The following OR9K2 variants were observed in gnomAD, a reference collection of about 807,000 sequenced individuals.
The protein encoded by OR9K2 is olfactory receptor family 9 subfamily K member 2.
In OR9K2, 16 loss-of-function variants were observed where a neutral mutation model predicts 12.4. The ratio of observed to expected loss-of-function variants is 1.29; its 90% CI spans 0.87 to 1.95. The LOEUF is 1.95. OR9K2 is among the 30% of genes most tolerant of loss of function. The probability of loss-of-function intolerance (pLI) is 0.00; values close to 1 mark genes in which losing one functional copy is unlikely to be tolerated. For synonymous variants in OR9K2, 133 were observed against 133.2 expected, an observed-to-expected ratio of 1.00 and a Z score of 0.01; for missense variants, 434 against 376.5, an observed-to-expected ratio of 1.15 and a Z score of -1.26.
rs1953475855 is a variant in OR9K2, at chr12:55,131,888, A to G, written c.*1112A>G. On this transcript the variant is annotated 3_prime_UTR_variant, in exon 3 of 3. Coordinates refer to ENST00000641329, the MANE Select transcript of OR9K2 (RefSeq NM_001005243.2). ...ATAATATTGATGTGGGCTCAATGGT[A>G]TGTCGATATTAATGAACAAAGGCAG... 6.6e-6 allele frequency: 1 copy of G among 152,216 alleles called. No individual in the cohort carries two copies. The highest frequency in any genetic ancestry group is 2.1e-4 in the South Asian group (1 of 4,834). 9.4% of individuals were successfully genotyped at this position (152,216 alleles called of 1,614,324 possible).
At chr12:55,127,568 T>G (rs1223672853) in intron 2 of OR9K2, among the ~76,000 whole-genome samples, 1 of 151,488 alleles carries the variant, frequency 6.6e-6, no homozygotes, top group Admixed American at 6.6e-5. Context: ...AATACAGTCT[T>G]AAATAATGAT....
chr12:55,130,220 T>A lies in OR9K2; in HGVS notation c.386T>A (p.Ile129Asn), dbSNP rs780825657. The change falls in exon 3 of 3, where the codon ATC becomes AAC. Residue 129 changes from isoleucine to asparagine, a missense_variant. Ile to Asn is a moderately radical substitution (Grantham distance 149, BLOSUM62 -3). Transcript: ENST00000641329. ...ATGGCTTATGACCGCTTTATTGCCA[T>A]CTGCAACCCTCTGCTCTACTCTGTT... The part of the protein sequence containing the change: ...AAMAYDRFIA[I>N]CNPLLYSVQM... 2.2e-5 allele frequency: 36 copies of A among 1,614,012 alleles called. No individual in the cohort carries two copies. The highest frequency in any genetic ancestry group is 3.1e-5 in the Non-Finnish European group (36 of 1,180,014).
Position 55,132,024 on chromosome 12 carries a change from C to G in OR9K2, c.*1248C>G, listed in dbSNP as rs1216029878. 1 of 152,104 alleles carries G rather than the reference C, an allele frequency of 6.6e-6. No homozygotes were observed. 9.4% of individuals were successfully genotyped at this position (152,104 alleles called of 1,614,324 possible). A position where few individuals can be genotyped will look rare whatever the true frequency, so the allele number is the denominator to read the frequency against. ...TTTTGAAATTGAGTGTGTGCATGGT[C>G]ATGGTCTGAATAGATAAAAAGTATA... On this transcript the variant is annotated 3_prime_UTR_variant, in exon 3 of 3. Transcript: ENST00000641329.
At position 55,129,900 on chromosome 12, in the gene OR9K2, A is replaced by AC. The variant is rs1484546242; in HGVS notation, c.67dup (p.Arg23ProfsTer33). 1.2e-6 allele frequency: 2 copies of AC among 1,613,880 alleles called. No homozygotes were observed. The highest frequency in any genetic ancestry group is 1.3e-5 in the African/African-American group (1 of 74,902). On this transcript the variant is annotated frameshift_variant, in exon 3 of 3. Coordinates refer to ENST00000641329, the MANE Select transcript of OR9K2 (RefSeq NM_001005243.2). LOFTEE classifies it high-confidence loss of function. ...ACTTCATTCTTGCAGGCTTCAGGGT[A>AC]CGCCCAGAGCTCCACATTCTCCTCT...
In OR9K2 at chr12:55,130,461, T is replaced by G. The variant is rs753458145; in HGVS notation, c.627T>G (p.Ile209Met). ...TATCTTTTTCCTTATCATGTATTAT[T>G]ATCTTGCCTACTATCATAGTCATTA... ...RMISFSLSCIIILPTIIVIIV... is the reference protein window; with the variant it reads ...RMISFSLSCIMILPTIIVIIV... The change falls in exon 3 of 3, where the codon ATT becomes ATG. Residue 209 changes from isoleucine (I) to methionine (M), a missense_variant. Transcript: ENST00000641329. The G allele has an allele frequency of 8.7e-6, 14 of 1,613,402 alleles. No individual in the cohort carries two copies. The African/African-American group carries it at 1.9e-4, about 22-fold the overall frequency.
At chr12:55,129,634 G>C in intron 2 of OR9K2, 192 bp from the exon 3 acceptor site, 1 of 657,320 alleles carries the variant, frequency 1.5e-6, no homozygotes, top group Non-Finnish European at 2.6e-6. Flanking sequence ...AAAGAAATAA[G>C]AAATGCAACT....
In OR9K2 at chr12:55,126,443, T is replaced by C. The variant is rs1307261101; in HGVS notation, c.-167T>C. On this transcript the variant is annotated 5_prime_UTR_variant, in exon 1 of 3. Transcript: ENST00000641329. ...CTCTACTTGCATATCCATGGCAATC[T>C]ATCCTCTTGCCTTGAAAGCATACAA... The C allele has an allele frequency of 6.6e-6, 1 of 152,178 alleles. No individual in the cohort carries two copies. The highest frequency in any genetic ancestry group is 6.6e-5 in the Admixed American group (1 of 15,262). 9.4% of individuals were successfully genotyped at this position (152,178 alleles called of 1,614,324 possible).
Position 55,129,902 on chromosome 12 carries a change from GC to G in OR9K2, c.71del (p.Pro24GlnfsTer17), listed in dbSNP as rs1565621341. 2 of 1,613,862 alleles carry G rather than the reference GC, an allele frequency of 1.2e-6. No individual in the cohort carries two copies. The highest frequency in any genetic ancestry group is 1.7e-6 in the Non-Finnish European group (2 of 1,179,874). ...TTCATTCTTGCAGGCTTCAGGGTAC[GC>G]CCAGAGCTCCACATTCTCCTCTTCC... Reference protein sequence around the residue: ...TDFILAGFRVRPELHILLFLL... With the variant: ...TDFILAGFRVXPELHILLFLL... On this transcript the variant is annotated frameshift_variant, in exon 3 of 3. Transcript: ENST00000641329. LOFTEE classifies it high-confidence loss of function.
intron 2 of OR9K2, chr12:55,129,576 A>G: frequency 1.8e-6 from 1 of 558,720 alleles, no homozygotes; most frequent in Non-Finnish European, 3.1e-6. Context: ...ATTTGGGTAG[A>G]AAGGCATTGT....
At chr12:55,129,587 A>G in intron 2 of OR9K2, 1 of 582,524 alleles carries the variant, frequency 1.7e-6, no homozygotes, top group South Asian at 2.3e-5. Flanking sequence ...AAGGCATTGT[A>G]TTAGATGCAG....
chr12:55,130,190 C>T lies in OR9K2; in HGVS notation c.356C>T (p.Ala119Val), dbSNP rs138102893. 60 of 1,613,930 alleles carry T rather than the reference C, an allele frequency of 3.7e-5. No individual in the cohort carries two copies. The highest frequency in any genetic ancestry group is 1.6e-4 in the Middle Eastern group (1 of 6,084). The change falls in exon 3 of 3, where the codon GCG (alanine) becomes GTG (valine). Residue 119 changes from alanine (A) to valine (V), a missense_variant. Ala to Val is a moderately conservative substitution (Grantham distance 64). Transcript: ENST00000641329. ...LLIVTEGFLL[A>V]AMAYDRFIAI... The stretch of plus-strand genomic sequence containing the variant: ...ATTGTGACTGAGGGATTTCTCCTGG[C>T]GGCCATGGCTTATGACCGCTTTATT...
rs1484600569 is a variant in OR9K2 at position 55,130,504 on chromosome 12, A to G, written c.670A>G (p.Ile224Val). 1.2e-6 allele frequency: 2 copies of G among 1,613,726 alleles called. No individual in the cohort carries two copies. Among genetic ancestry groups the G allele is most frequent in the Non-Finnish European group, 8.5e-7 (1 of 1,179,734 alleles). The change falls in exon 3 of 3, where the codon ATT becomes GTT. Residue 224 changes from isoleucine (I) to valine (V), a missense_variant. Coordinates refer to ENST00000641329, the MANE Select transcript of OR9K2 (RefSeq NM_001005243.2). ...AGTCATTATAGTATCTTACATGTAT[A>G]TTGTGTCCACAGTTCTAAAGATACA... ...IIVIIVSYMY[I>V]VSTVLKIHST...
rs1481690840 is a variant in OR9K2, at chr12:55,130,407, T to C, written c.573T>C (p.Ser191=). 1.2e-6 allele frequency: 2 copies of C among 1,613,872 alleles called. No individual in the cohort carries two copies. The highest frequency in any genetic ancestry group is 3.3e-5 in the Admixed American group (2 of 59,952). The change falls in exon 3 of 3, where the codon TCT becomes TCC. Residue 191 remains serine, a synonymous_variant. Coordinates refer to ENST00000641329, the MANE Select transcript of OR9K2 (RefSeq NM_001005243.2). ...ATTCTCGCCCACTTCAGAGACTGTCTTGTTCTGATCTCTTTATCCATAGAA... is the reference window on the plus strand; with the variant it reads ...ATTCTCGCCCACTTCAGAGACTGTCCTGTTCTGATCTCTTTATCCATAGAA... ...YCDSRPLQRL[S]CSDLFIHRMI... is the part of the protein sequence containing the mutation.
chr12:55,130,497 C>CATGTATA lies in OR9K2; in HGVS notation c.664_670dup (p.Ile224AsnfsTer14). The CATGTATA allele has an allele frequency of 6.2e-7, 1 of 1,613,550 alleles. No homozygotes were observed. The highest frequency in any genetic ancestry group is 2.2e-5 in the East Asian group (1 of 44,872). On this transcript the variant is annotated frameshift_variant, in exon 3 of 3. Transcript: ENST00000641329. LOFTEE classifies it high-confidence loss of function. ...CTATCATAGTCATTATAGTATCTTA[C>CATGTATA]ATGTATATTGTGTCCACAGTTCTAA...
At position 55,130,897 on chromosome 12, in the gene OR9K2, T is replaced by G; in HGVS notation, c.*121T>G. 2 of 625,724 alleles carry G rather than the reference T, an allele frequency of 3.2e-6. No homozygotes were observed. The highest frequency in any genetic ancestry group is 5.4e-6 in the Non-Finnish European group (2 of 373,060). The allele number at this position is 625,724 out of a possible 1,614,324, so 38.8% of individuals were successfully genotyped here. ...TCTTAGATGTTTTCATGTGATGTGC[T>G]CTTTCCATATTTTACTTTTTTACCT... On this transcript the variant is annotated 3_prime_UTR_variant, in exon 3 of 3. Coordinates refer to ENST00000641329, the MANE Select transcript of OR9K2 (RefSeq NM_001005243.2).
chr12:55,130,090 A>G lies in OR9K2; in HGVS notation c.256A>G (p.Ile86Val), dbSNP rs767598152. 14 of 1,612,986 alleles carry G rather than the reference A, an allele frequency of 8.7e-6. No homozygotes were observed. Among genetic ancestry groups the G allele is most frequent in the Non-Finnish European group, 1.2e-5 (14 of 1,179,964 alleles). ...ATCTGTTATTGAACCCAAGGCTATG[A>G]TCAACTTCTGGTCTGAAAACAAGTC... ...YSSVIEPKAM[I>V]NFWSENKSIS... is the part of the protein sequence containing the mutation. The change falls in exon 3 of 3, where the codon ATC becomes GTC. Residue 86 changes from isoleucine (I) to valine (V), a missense_variant. Physicochemically the swap from Ile to Val is conservative, Grantham distance 29. Transcript: ENST00000641329.
At chr12:55,127,461 G>A (rs1223427692) in intron 2 of OR9K2, among the ~76,000 whole-genome samples, 1 of 151,840 alleles carries the variant, frequency 6.6e-6, no homozygotes, top group Non-Finnish European at 1.5e-5. Context: ...CATCTTTCCA[G>A]ACCCTAAGTG....
chr12:55,128,831 T>A (rs929249982), intron 2 of OR9K2, among the ~76,000 whole-genome samples: 10 of 152,174 alleles, frequency 6.6e-5, no homozygotes, highest in Admixed American at 3.3e-4. Flanking sequence ...CCCATATGTA[T>A]CCTTTGCAGT....
At position 55,129,815 on chromosome 12, in the gene OR9K2, C is replaced by A; in HGVS notation, c.-9-11C>A. ...GTTCATTTGTATATTTTGCCCTGTGCCTCTCAACAGGTTTCTACCATGGGT... is the reference window on the plus strand; with the variant it reads ...GTTCATTTGTATATTTTGCCCTGTGACTCTCAACAGGTTTCTACCATGGGT... On this transcript the variant is annotated splice_polypyrimidine_tract_variant and intron_variant, in intron 2 of 2. Transcript: ENST00000641329. 2.5e-6 allele frequency: 4 copies of A among 1,612,138 alleles called. No individual in the cohort carries two copies. Among genetic ancestry groups the A allele is most frequent in the Non-Finnish European group, 3.4e-6 (4 of 1,178,318 alleles).
Sources: gnomAD v4.1 joint callset for allele counts (sites outside exome capture counted in the v4.1 genomes callset) on GRCh38, gnomAD v4.1.1 for gene constraint, MANE v1.5 for transcripts, NCBI Gene and HGNC (gene_info 2026-07-23, HGNC 2026-07-21) for gene names.